The following CHERP variants were observed in gnomAD, a reference collection of about 807,000 sequenced individuals.
CHERP encodes the protein calcium homeostasis endoplasmic reticulum protein.
A neutral mutation model predicts 113.8 loss-of-function variants in CHERP; 8 were observed. That is an observed-to-expected ratio of 0.07 (90% CI 0.04 to 0.13). The LOEUF (loss-of-function observed/expected upper bound fraction) is 0.13, where lower values mean the gene tolerates loss of function less well. Ranked by LOEUF, CHERP falls within the 10% of genes least tolerant of loss-of-function variation. The probability of loss-of-function intolerance (pLI) is 1.00; values close to 1 mark genes in which losing one functional copy is unlikely to be tolerated. For synonymous variants in CHERP, 559 were observed against 524.5 expected, an observed-to-expected ratio of 1.07 and a Z score of -0.90; for missense variants, 884 against 1,298.2, an observed-to-expected ratio of 0.68 and a Z score of 4.90.
In CHERP at chr19:16,535,347, G is replaced by C; in HGVS notation, c.384+105C>G. 3 of 1,242,132 alleles carry C rather than the reference G, an allele frequency of 2.4e-6. No individual in the cohort carries two copies. The highest frequency in any genetic ancestry group is 2.2e-6 in the Non-Finnish European group (2 of 893,128). 76.9% of individuals were successfully genotyped at this position (1,242,132 alleles called of 1,614,324 possible). ...GCACCGAGCCCTGGGTGGCAGGGGGGGCCCTGTCCTCACTGACACCTGTTA... is the reference window on the plus strand; with the variant it reads ...GCACCGAGCCCTGGGTGGCAGGGGGCGCCCTGTCCTCACTGACACCTGTTA... On this transcript the variant is annotated intron_variant, in intron 3 of 16. Coordinates refer to ENST00000546361, the MANE Select transcript of CHERP (RefSeq NM_006387.6). This position sits in a 1 kb window ranked among gnomAD's most constrained non-coding sequence, Gnocchi z 4.3.
At chr19:16,524,890 T>G (rs2085646282) in intron 10 of CHERP, among the ~76,000 whole-genome samples, 1 of 151,470 alleles carries the variant, frequency 6.6e-6, no homozygotes, top group Non-Finnish European at 1.5e-5. Context: ...CCACGCCAAG[T>G]ATTGATTTTT....
At chr19:16,531,503 G>A (rs1035315051) in intron 5 of CHERP, among the ~76,000 whole-genome samples, 3 of 152,220 alleles carry the variant, frequency 2.0e-5, no homozygotes, top group African/African-American at 7.2e-5. Context: ...GGCTGCCCCT[G>A]GGGAGGGACG....
Position 16,519,521 on chromosome 19 carries a change from A to G in CHERP, c.2557+100T>C. 3.9e-6 allele frequency: 5 copies of G among 1,295,828 alleles called. No homozygotes were observed. Among genetic ancestry groups the G allele is most frequent in the Non-Finnish European group, 5.6e-6 (5 of 899,456 alleles). 80.3% of individuals were successfully genotyped at this position (1,295,828 alleles called of 1,614,324 possible). A position where few individuals can be genotyped will look rare whatever the true frequency, so the allele number is the denominator to read the frequency against. On this transcript the variant is annotated intron_variant, in intron 16 of 16. Transcript: ENST00000546361. The surrounding 1 kb of genome is among the most constrained non-coding windows in gnomAD (Gnocchi z 6.0). ...GTGGAGTCAGAACCGGCCTGACTCC[A>G]TCCATCCCCACATGCACTGAGGAAG...
intron 2 of CHERP, among the ~76,000 whole-genome samples, chr19:16,540,309 C>T (rs1425428189): frequency 2.0e-5 from 3 of 151,490 alleles, no homozygotes; most frequent in East Asian, 1.9e-4. Flanking sequence ...TCAAGTGATC[C>T]GCCTGACTCA....
chr19:16,539,437 G>A (rs957599999), intron 2 of CHERP, among the ~76,000 whole-genome samples: 10 of 152,090 alleles, frequency 6.6e-5, no homozygotes, highest in Admixed American at 4.6e-4. Context: ...GTGAGCCACC[G>A]CGCCCGGCCT....
In CHERP at chr19:16,523,008, GTA is replaced by G. The variant is rs1491050583; in HGVS notation, c.1980+42_1980+43del. The G allele has an allele frequency of 6.7e-7, 1 of 1,482,816 alleles. No individual in the cohort carries two copies. The highest frequency in any genetic ancestry group is 1.5e-5 in the African/African-American group (1 of 68,590). The allele number at this position is 1,482,816 out of a possible 1,614,324, so 91.9% of individuals were successfully genotyped here. A position where few individuals can be genotyped will look rare whatever the true frequency, so the allele number is the denominator to read the frequency against. On this transcript the variant is annotated intron_variant, in intron 11 of 16. Transcript: ENST00000546361. This position sits in a 1 kb window ranked among gnomAD's most constrained non-coding sequence, Gnocchi z 4.0. ...TTTTCACAAGGAGAAACGGGGACCA[GTA>G]TGGTAAGCGTGCTCAGCTTGGAGCC...
chr19:16,532,463 C>G lies in CHERP; in HGVS notation c.674+135G>C. The G allele has an allele frequency of 8.9e-7, 1 of 1,128,426 alleles. No homozygotes were observed. The highest frequency in any genetic ancestry group is 1.6e-5 in the South Asian group (1 of 60,772). The allele number at this position is 1,128,426 out of a possible 1,614,324, so 69.9% of individuals were successfully genotyped here. ...TGGTGGCTCACAGAGACCCCCCACCCGGGGTCCCCGGACAAGTGCCCCCTA... is the reference window on the plus strand; with the variant it reads ...TGGTGGCTCACAGAGACCCCCCACCGGGGGTCCCCGGACAAGTGCCCCCTA... On this transcript the variant is annotated intron_variant, in intron 5 of 16. Transcript: ENST00000546361. This position sits in a 1 kb window ranked among gnomAD's most constrained non-coding sequence, Gnocchi z 4.4.
chr19:16,540,584 G>A (rs1006304681), intron 2 of CHERP, among the ~76,000 whole-genome samples: 2 of 150,614 alleles, frequency 1.3e-5, no homozygotes, highest in Admixed American at 1.3e-4. Flanking sequence ...TGTTAGCCAG[G>A]CTGTTCTCAG....
intron 12 of CHERP, 102 bp from the exon 13 acceptor site, chr19:16,521,014 T>C (rs936712434): frequency 7.1e-6 from 7 of 988,210 alleles, no homozygotes; most frequent in African/African-American, 4.8e-5. Context: ...GGAGAGTACA[T>C]GGCCCTGTGG....
intron 11 of CHERP, among the ~76,000 whole-genome samples, chr19:16,522,553 C>T (rs2085626708): frequency 6.6e-6 from 1 of 152,180 alleles, no homozygotes; most frequent in African/African-American, 2.4e-5. Flanking sequence ...GCCACTACGC[C>T]TGGCCAGACC....
chr19:16,525,263 G>A lies in CHERP; in HGVS notation c.1720C>T (p.Pro574Ser), dbSNP rs756219299. The change falls in exon 10 of 17, where the codon CCC becomes TCC. Residue 574 changes from proline to serine, a missense_variant. Pro to Ser is a moderately conservative substitution (Grantham distance 74). Coordinates refer to ENST00000546361, the MANE Select transcript of CHERP (RefSeq NM_006387.6). This position sits in a 1 kb window ranked among gnomAD's most constrained non-coding sequence, Gnocchi z 6.5. ...RPPYPHRFDY[P>S]QGDFPAEMGP... Reference sequence around the variant, plus strand: ...TCACCGGCAGGGAAGTCCCCCTGGGGGTAGTCGAAGCGGTGGGGATAGGGC... The same window carrying A: ...TCACCGGCAGGGAAGTCCCCCTGGGAGTAGTCGAAGCGGTGGGGATAGGGC... 2.8e-6 allele frequency: 4 copies of A among 1,433,096 alleles called. No individual in the cohort carries two copies. The highest frequency in any genetic ancestry group is 3.7e-6 in the Non-Finnish European group (4 of 1,091,420). 88.8% of individuals were successfully genotyped at this position (1,433,096 alleles called of 1,614,324 possible). A position where few individuals can be genotyped will look rare whatever the true frequency, so the allele number is the denominator to read the frequency against.
chr19:16,536,373 T>C (rs2085741906), intron 2 of CHERP, among the ~76,000 whole-genome samples: 1 of 152,144 alleles, frequency 6.6e-6, no homozygotes, highest in South Asian at 2.1e-4. Context: ...AAGGAGGCCC[T>C]GGACAAGATG....
intron 11 of CHERP, among the ~76,000 whole-genome samples, chr19:16,522,011 C>A (rs951673090): frequency 1.3e-5 from 2 of 152,236 alleles, no homozygotes; most frequent in Non-Finnish European, 2.9e-5. Flanking sequence ...CTACCCTGGG[C>A]CCCCGCTCAG....
intron 2 of CHERP, among the ~76,000 whole-genome samples, chr19:16,536,604 C>T (rs1018303519): frequency 1.3e-5 from 2 of 152,172 alleles, no homozygotes; most frequent in Non-Finnish European, 2.9e-5. Context: ...CAGGATGACC[C>T]CCAACTTCTG....
In CHERP at chr19:16,530,745, A is replaced by ACC. The variant is rs779221488; in HGVS notation, c.786+22_786+23dup. On this transcript the variant is annotated intron_variant, in intron 6 of 16. Coordinates refer to ENST00000546361, the MANE Select transcript of CHERP (RefSeq NM_006387.6). This position sits in a 1 kb window ranked among gnomAD's most constrained non-coding sequence, Gnocchi z 4.1. ...GGCCTGTGTGTCCCGGTCTTGCCCA[A>ACC]CCCCCGGCCCGGGGCCCACGCACCC... is the stretch of plus-strand genomic sequence containing the variant. The ACC allele has an allele frequency of 5.0e-6, 8 of 1,613,482 alleles. No homozygotes were observed. In the African/African-American group the frequency reaches 9.4e-5, roughly 19 times the overall value.
Position 16,523,700 on chromosome 19 carries a change from G to A in CHERP, c.1742-410C>T, listed in dbSNP as rs552041521. On this transcript the variant is annotated intron_variant, in intron 10 of 16. Coordinates refer to ENST00000546361, the MANE Select transcript of CHERP (RefSeq NM_006387.6). This position sits in a 1 kb window ranked among gnomAD's most constrained non-coding sequence, Gnocchi z 4.0. The stretch of plus-strand genomic sequence containing the variant: ...GCCCGAATCCAACGTGACTGTTGCC[G>A]TTATAATAAGAGATTAGGACACAGA... 2.8e-4 allele frequency among the ~76,000 whole-genome samples: 42 copies of A among 152,092 alleles called. No homozygotes were observed. Among genetic ancestry groups the A allele is most frequent in the African/African-American group, 9.9e-4 (41 of 41,476 alleles).
At position 16,518,887 on chromosome 19, in the gene CHERP, G is replaced by GT; in HGVS notation, c.*271dup. 2.0e-6 allele frequency: 1 copy of GT among 492,260 alleles called. No individual in the cohort carries two copies. Among genetic ancestry groups the GT allele is most frequent in the Non-Finnish European group, 3.6e-6 (1 of 278,916 alleles). The allele number at this position is 492,260 out of a possible 1,614,324, so 30.5% of individuals were successfully genotyped here. On this transcript the variant is annotated 3_prime_UTR_variant, in exon 17 of 17. Transcript: ENST00000546361. Reference sequence around the variant, plus strand: ...AATTTACTCGGGCGGAGGGTCTTGTGTTTTTTGCTTCGCTATAAAGGAAAA... The same window carrying GT: ...AATTTACTCGGGCGGAGGGTCTTGTGTTTTTTTGCTTCGCTATAAAGGAAAA...
rs1486814411 is a variant in CHERP, at chr19:16,530,108, A to G, written c.877-208T>C. Among the ~76,000 whole-genome samples, 1 of 152,186 alleles carries G rather than the reference A, an allele frequency of 6.6e-6. No homozygotes were observed. The highest frequency in any genetic ancestry group is 1.5e-5 in the Non-Finnish European group (1 of 68,032). On this transcript the variant is annotated intron_variant, in intron 7 of 16. Coordinates refer to ENST00000546361, the MANE Select transcript of CHERP (RefSeq NM_006387.6). The surrounding 1 kb of genome is among the most constrained non-coding windows in gnomAD (Gnocchi z 4.1). ...ATTTGGGGATGAGGATGTTCGCTGC[A>G]GCGTGTTTTACGACTCCCTGATAAC...
In CHERP at chr19:16,532,612, G is replaced by A. The variant is rs141680337; in HGVS notation, c.660C>T (p.Asp220=). The A allele has an allele frequency of 1.1e-4, 170 of 1,605,770 alleles. No homozygotes were observed. The highest frequency in any genetic ancestry group is 9.6e-4 in the African/African-American group (72 of 74,970). Residue 220 remains aspartate (D), a synonymous_variant, in exon 5 of 17, where the codon GAC becomes GAT. Transcript: ENST00000546361. The surrounding 1 kb of genome is among the most constrained non-coding windows in gnomAD (Gnocchi z 4.4). ...LRLHLIYLIN[D]VLHHCQRKQA... ...GCGGCGCTCACCAGTGGTGCAGCAC[G>A]TCATTGATCAGGTAGATGAGGTGCA...
Sources: allele counts gnomAD v4.1 joint callset (sites outside exome capture counted in the v4.1 genomes callset), GRCh38; gene constraint gnomAD v4.1.1; non-coding constraint Gnocchi (gnomAD v3.1); transcripts MANE v1.5; gene names NCBI Gene and HGNC (gene_info 2026-07-23, HGNC 2026-07-21).